TET2: variants seen among roughly 807,000 people sequenced by gnomAD.
TET2 encodes the protein tet methylcytosine dioxygenase 2.
Under a neutral mutation model 142.9 loss-of-function variants are expected in TET2, and 299 were observed. The observed-to-expected ratio is 2.09, with a 90% CI of 1.90 to 2.30. The LOEUF (loss-of-function observed/expected upper bound fraction) is 2.30, where lower values mean the gene tolerates loss of function less well. Among genes scored for constraint, TET2 ranks in the 30% most tolerant of loss-of-function variants. TET2 has a pLI of 0.00. For missense variants in TET2, 2,418 were observed against 2,378.0 expected (o/e 1.02, Z -0.35); for synonymous variants, 819 against 849.0 (o/e 0.96, Z 0.61).
chr4:105,203,034 G>A (rs796331041), intron 2 of TET2, among the ~76,000 whole-genome samples: 1 of 152,166 alleles, frequency 6.6e-6, no homozygotes, highest in South Asian at 2.1e-4. Flanking sequence ...ACTTGGATTT[G>A]TCTCTTATTC....
rs1231145940 is a variant in TET2 at position 105,268,262 on chromosome 4, C to T, written c.4045-1348C>T. The stretch of plus-strand genomic sequence containing the variant: ...CAAAATTCAAGTGTATTTTTATATA[C>T]TAGCAATAAATAAATCAAAATAAAC... On this transcript the variant is annotated intron_variant, in intron 8 of 10. Coordinates refer to ENST00000380013, the MANE Select transcript of TET2 (RefSeq NM_001127208.3). 5.9e-5 allele frequency among the ~76,000 whole-genome samples: 9 copies of T among 152,116 alleles called. No individual in the cohort carries two copies. In the East Asian group the frequency reaches 1.4e-3, roughly 23 times the overall value.
chr4:105,173,130 A>G (rs1305017474), intron 1 of TET2, among the ~76,000 whole-genome samples: 1 of 152,198 alleles, frequency 6.6e-6, no homozygotes, highest in African/African-American at 2.4e-5. Flanking sequence ...GCATGCCAAC[A>G]CAAAGGATAA....
intron 8 of TET2, among the ~76,000 whole-genome samples, chr4:105,268,896 C>T (rs1730817314): frequency 6.6e-6 from 1 of 152,128 alleles, no homozygotes; most frequent in East Asian, 1.9e-4. Flanking sequence ...TCGCTTGAAT[C>T]CAGGAGGCAG....
chr4:105,148,734 AT>A (rs1020678549), intron 1 of TET2, among the ~76,000 whole-genome samples: 1 of 152,204 alleles, frequency 6.6e-6, no homozygotes, highest in Non-Finnish European at 1.5e-5. Context: ...ATAAATATTG[AT>A]TTTTTTAAAT....
intron 1 of TET2, among the ~76,000 whole-genome samples, chr4:105,174,729 A>G (rs1281179501): frequency 6.6e-6 from 1 of 152,244 alleles, no homozygotes; most frequent in East Asian, 1.9e-4. Flanking sequence ...TTTAACCTCC[A>G]GGAGTGTTCA....
chr4:105,239,074 G>GTTTTTTTTGTTT (rs1553914850), intron 3 of TET2: 63 of 211,968 alleles, frequency 3.0e-4, no homozygotes, highest in African/African-American at 1.3e-3. Context: ...TTTGTTTTTT[G>GTTTTTTTTGTTT]TTTTTTTTTT....
chr4:105,272,426 G>A (rs1731007303), intron 9 of TET2, 138 bp from the exon 10 acceptor site: 1 of 604,974 alleles, frequency 1.7e-6, no homozygotes, highest in East Asian at 2.9e-5. Context: ...TGGTTTTATG[G>A]TAATATATAT....
At chr4:105,156,269 T>G (rs1723563042) in intron 1 of TET2, among the ~76,000 whole-genome samples, 1 of 152,182 alleles carries the variant, frequency 6.6e-6, no homozygotes, top group South Asian at 2.1e-4. Flanking sequence ...TACACCATAT[T>G]CAAAAGAAGA....
Position 105,236,637 on chromosome 4 carries a change from T to G in TET2, c.2695T>G (p.Tyr899Asp). ...ACAACAAGCTTCAGTTCTACAGGGA[T>G]ATAAAAATAGAAACCAAGATATGTC... ...KSQQASVLQG[Y>D]KNRNQDMSGQ... The change falls in exon 3 of 11, where the codon TAT becomes GAT. Residue 899 changes from tyrosine to aspartate, a missense_variant. Transcript: ENST00000380013. 1 of 1,614,004 alleles carries G rather than the reference T, an allele frequency of 6.2e-7. No individual in the cohort carries two copies. The highest frequency in any genetic ancestry group is 8.5e-7 in the Non-Finnish European group (1 of 1,179,986).
intron 1 of TET2, among the ~76,000 whole-genome samples, chr4:105,186,479 T>C (rs887651279): frequency 7.0e-4 from 101 of 145,126 alleles, no homozygotes; most frequent in Admixed American, 1.5e-3. Flanking sequence ...TTTTCTTTTT[T>C]TTTTTTTTTT....
intron 1 of TET2, among the ~76,000 whole-genome samples, chr4:105,173,573 A>G (rs970451201): frequency 8.6e-5 from 13 of 152,030 alleles, no homozygotes; most frequent in African/African-American, 3.1e-4. Flanking sequence ...AAAACTGCAG[A>G]GAAGAATGAG....
rs148345467 is a variant in TET2, at chr4:105,235,201, C to T, written c.1259C>T (p.Ser420Leu). ...CTTCCACAGGTTCCTCAGCTTCCTTCAGAAGGAAAAAGCACTCTGAATGGT... is the reference window on the plus strand; with the variant it reads ...CTTCCACAGGTTCCTCAGCTTCCTTTAGAAGGAAAAAGCACTCTGAATGGT... ...PPLPQVPQLP[S>L]EGKSTLNGGV... The change falls in exon 3 of 11, where the codon TCA becomes TTA. Residue 420 changes from serine to leucine, a missense_variant. Coordinates refer to ENST00000380013, the MANE Select transcript of TET2 (RefSeq NM_001127208.3). The T allele has an allele frequency of 1.9e-6, 3 of 1,613,930 alleles. No homozygotes were observed. The highest frequency in any genetic ancestry group is 2.2e-5 in the East Asian group (1 of 44,878).
At chr4:105,155,273 G>A (rs1039243283) in intron 1 of TET2, among the ~76,000 whole-genome samples, 2 of 152,206 alleles carry the variant, frequency 1.3e-5, no homozygotes, top group Admixed American at 6.5e-5. Flanking sequence ...TTAAACAAGT[G>A]ACTCTTTTCC....
intron 1 of TET2, among the ~76,000 whole-genome samples, chr4:105,160,182 A>G (rs1168724414): frequency 6.6e-6 from 1 of 152,042 alleles, no homozygotes; most frequent in Admixed American, 6.6e-5. Context: ...AATTCTCTCA[A>G]CCTTCTCTCA....
intron 4 of TET2, chr4:105,242,108 A>G (rs1272543797): frequency 4.2e-6 from 5 of 1,186,228 alleles, no homozygotes; most frequent in East Asian, 7.4e-5. Flanking sequence ...GGTAGGCAGT[A>G]TTATTATTAA....
chr4:105,187,721 C>T (rs1030511524), intron 1 of TET2, among the ~76,000 whole-genome samples: 3 of 152,154 alleles, frequency 2.0e-5, no homozygotes, highest in Admixed American at 2.0e-4. Context: ...TATTCTGCCA[C>T]CCTCTCATTC....
In TET2 at chr4:105,272,628, A is replaced by G. The variant is rs1731019713; in HGVS notation, c.4247A>G (p.His1416Arg). 2 of 1,551,094 alleles carry G rather than the reference A, an allele frequency of 1.3e-6. No homozygotes were observed. Among genetic ancestry groups the G allele is most frequent in the Non-Finnish European group, 1.7e-6 (2 of 1,146,818 alleles). Reference sequence around the variant, plus strand: ...GGAAAACCTGAGGATGAGCAGCTTCACGTTCTGCCTTTATACAAAGTCTCT... The same window carrying G: ...GGAAAACCTGAGGATGAGCAGCTTCGCGTTCTGCCTTTATACAAAGTCTCT... ...FGGKPEDEQL[H>R]VLPLYKVSDV... The change falls in exon 10 of 11, where the codon CAC becomes CGC. Residue 1416 changes from histidine (H) to arginine (R), a missense_variant. By Grantham distance (29) the His-to-Arg change is conservative (BLOSUM62 0). Transcript: ENST00000380013.
intron 1 of TET2, among the ~76,000 whole-genome samples, chr4:105,157,346 TACAA>T (rs1165256463): frequency 1.3e-5 from 2 of 152,198 alleles, no homozygotes; most frequent in Non-Finnish European, 2.9e-5. Context: ...ATTATTTTAG[TACAA>T]ACAGATACAT....
At chr4:105,152,182 C>T (rs1723335429) in intron 1 of TET2, among the ~76,000 whole-genome samples, 1 of 152,120 alleles carries the variant, frequency 6.6e-6, no homozygotes, top group Non-Finnish European at 1.5e-5. Flanking sequence ...GAGGCTGATA[C>T]AGGAGAATTG....
Sources: gnomAD v4.1 joint callset for allele counts (sites outside exome capture counted in the v4.1 genomes callset) on GRCh38, gnomAD v4.1.1 for gene constraint, MANE v1.5 for transcripts, NCBI Gene and HGNC (gene_info 2026-07-23, HGNC 2026-07-21) for gene names.